The following B3GALT1 variants were observed in gnomAD, a reference collection of about 807,000 sequenced individuals.
The protein encoded by B3GALT1 is beta-1,3-galactosyltransferase 1, also known as UDP-Gal:betaGlcNAc beta 1,3-galactosyltransferase, polypeptide 1.
A neutral mutation model predicts 23.2 loss-of-function variants in B3GALT1; 10 were observed. The observed-to-expected ratio is 0.43, with a 90% confidence interval of 0.27 to 0.73. The LOEUF (loss-of-function observed/expected upper bound fraction) is 0.73, where lower values mean the gene tolerates loss of function less well. B3GALT1 is among the 30% of genes least tolerant of loss of function. The pLI is 0.21. For missense variants in B3GALT1, 299 were observed against 405.4 expected, an observed-to-expected ratio of 0.74 and a Z score of 2.25; for synonymous variants, 156 against 141.5, an observed-to-expected ratio of 1.10 and a Z score of -0.73.
intron 2 of B3GALT1, among the ~76,000 whole-genome samples, chr2:167,640,176 T>C (rs1685625481): frequency 6.6e-6 from 1 of 152,114 alleles, no homozygotes; most frequent in African/African-American, 2.4e-5. Flanking sequence ...ATACTTTTTT[T>C]CCCTTAGAAA....
intron 2 of B3GALT1, among the ~76,000 whole-genome samples, chr2:167,587,663 A>G (rs1164764313): frequency 1.3e-5 from 2 of 152,188 alleles, no homozygotes; most frequent in Non-Finnish European, 2.9e-5. Flanking sequence ...TTCACAAGAT[A>G]TGGCACATAA....
chr2:167,758,114 G>T (rs145993919), intron 3 of B3GALT1, among the ~76,000 whole-genome samples: 2 of 152,172 alleles, frequency 1.3e-5, no homozygotes, highest in African/African-American at 4.8e-5. Flanking sequence ...TAGGCTTCCC[G>T]GATTCCACCC....
chr2:167,433,122 C>G (rs1388200025), intron 1 of B3GALT1, among the ~76,000 whole-genome samples: 2 of 152,218 alleles, frequency 1.3e-5, no homozygotes, highest in Non-Finnish European at 2.9e-5. Flanking sequence ...CTGGAAACCA[C>G]TAATGGCTTT....
chr2:167,492,350 C>A (rs538815913), intron 2 of B3GALT1, among the ~76,000 whole-genome samples: 1 of 152,150 alleles, frequency 6.6e-6, no homozygotes, highest in Non-Finnish European at 1.5e-5. Flanking sequence ...TTTCATTGGA[C>A]GGATGTACCA....
intron 3 of B3GALT1, among the ~76,000 whole-genome samples, chr2:167,678,047 A>G (rs1037530742): frequency 6.6e-6 from 1 of 152,202 alleles, no homozygotes; most frequent in African/African-American, 2.4e-5. Flanking sequence ...TTACAATTCA[A>G]TATGAGATTT....
At chr2:167,305,834 C>T (rs903759116) in intron 1 of B3GALT1, among the ~76,000 whole-genome samples, 1 of 152,036 alleles carries the variant, frequency 6.6e-6, no homozygotes, top group Non-Finnish European at 1.5e-5. Context: ...TTCAGATTTT[C>T]TCCTTTGCCA....
intron 4 of B3GALT1, among the ~76,000 whole-genome samples, chr2:167,843,109 T>A (rs537600390): frequency 6.6e-6 from 1 of 152,238 alleles, no homozygotes; most frequent in East Asian, 1.9e-4. Context: ...CTGGAATAAG[T>A]CCCTTAACAA....
chr2:167,518,981 A>G (rs374352014), intron 2 of B3GALT1, among the ~76,000 whole-genome samples: 19 of 152,356 alleles, frequency 1.2e-4, no homozygotes, highest in East Asian at 5.8e-4. Context: ...TGGATCCCCA[A>G]TGGAATTCTT....
At chr2:167,443,998 G>A (rs113607517) in intron 1 of B3GALT1, among the ~76,000 whole-genome samples, 2,035 of 152,292 alleles carry the variant, frequency 0.013, 44 homozygotes, top group African/African-American at 0.046. Flanking sequence ...GATATTGGCT[G>A]TGGGTTTGTT....
intron 1 of B3GALT1, among the ~76,000 whole-genome samples, chr2:167,468,970 C>T (rs1436291650): frequency 6.6e-6 from 1 of 152,152 alleles, no homozygotes; most frequent in Non-Finnish European, 1.5e-5. Flanking sequence ...CAATATTGTA[C>T]TGGACCATGT....
At chr2:167,321,837 T>A (rs1388309749) in intron 1 of B3GALT1, among the ~76,000 whole-genome samples, 2 of 152,076 alleles carry the variant, frequency 1.3e-5, no homozygotes, top group Admixed American at 1.3e-4. Context: ...TAATCTAAAC[T>A]GGGTCTGTTT....
intron 3 of B3GALT1, among the ~76,000 whole-genome samples, chr2:167,661,599 A>G (rs1686061394): frequency 1.3e-5 from 2 of 152,098 alleles, no homozygotes; most frequent in African/African-American, 2.4e-5. Context: ...AGAAGCACCC[A>G]TCTCCACAAA....
intron 3 of B3GALT1, among the ~76,000 whole-genome samples, chr2:167,799,855 T>G (rs1030103896): frequency 1.4e-5 from 2 of 142,084 alleles, no homozygotes; most frequent in African/African-American, 4.9e-5. Context: ...AATTACTTTG[T>G]GAAATGTGAA....
intron 3 of B3GALT1, among the ~76,000 whole-genome samples, chr2:167,679,090 TTTTTTG>T (rs1395115268): frequency 2.0e-5 from 3 of 150,980 alleles, no homozygotes; most frequent in Non-Finnish European, 4.4e-5. Context: ...CCCAACATTG[TTTTTTG>T]TTTTTGTTTT....
At chr2:167,721,044 A>C (rs1291181557) in intron 3 of B3GALT1, among the ~76,000 whole-genome samples, 1 of 150,666 alleles carries the variant, frequency 6.6e-6, no homozygotes, top group Admixed American at 6.6e-5. Context: ...TCTCTCCCCC[A>C]TCTCTCTCTG....
chr2:167,728,997 T>G (rs1687365196), intron 3 of B3GALT1, among the ~76,000 whole-genome samples: 1 of 152,162 alleles, frequency 6.6e-6, no homozygotes, highest in African/African-American at 2.4e-5. Context: ...AATGTATTGG[T>G]TGAATAAGTT....
At chr2:167,343,725 GA>G (rs1453722913) in intron 1 of B3GALT1, among the ~76,000 whole-genome samples, 1 of 152,036 alleles carries the variant, frequency 6.6e-6, no homozygotes, top group African/African-American at 2.4e-5. Context: ...ATAGGAGGAA[GA>G]AAAAAGATAT....
intron 3 of B3GALT1, among the ~76,000 whole-genome samples, chr2:167,668,451 T>G (rs976549292): frequency 3.3e-5 from 5 of 152,180 alleles, no homozygotes; most frequent in Non-Finnish European, 5.9e-5. Context: ...AGGCAGGCAG[T>G]CCTCCTTGAG....
rs1363150651 is a variant in B3GALT1 at position 167,869,606 on chromosome 2, T to C, written c.567T>C (p.Tyr189=). The C allele has an allele frequency of 6.2e-7, 1 of 1,614,174 alleles. No homozygotes were observed. Among genetic ancestry groups the C allele is most frequent in the South Asian group, 1.1e-5 (1 of 91,078 alleles). The stretch of plus-strand genomic sequence containing the variant: ...TTGTAAACATGGACAATCTTATTTA[T>C]AAATTACTGAAACCCTCCACCAAGC... ...DIFVNMDNLI[Y]KLLKPSTKPR... Residue 189 remains tyrosine, a synonymous_variant, in exon 5 of 5, where the codon TAT becomes TAC. Transcript: ENST00000392690. The surrounding 1 kb of genome is among the most constrained non-coding windows in gnomAD (Gnocchi z 6.4).
Sources: gnomAD v4.1 joint callset for allele counts (sites outside exome capture counted in the v4.1 genomes callset) on GRCh38, gnomAD v4.1.1 for gene constraint, Gnocchi (gnomAD v3.1) non-coding constraint, MANE v1.5 for transcripts, NCBI Gene and HGNC (gene_info 2026-07-23, HGNC 2026-07-21) for gene names.